CMTM2: variants seen among roughly 807,000 people sequenced by gnomAD.
CMTM2 encodes the protein CKLF like MARVEL transmembrane domain containing 2.
In CMTM2, 15 loss-of-function variants were observed where a neutral mutation model predicts 16.8. The observed-to-expected ratio is 0.89, with a 90% CI of 0.60 to 1.37. CMTM2 has a LOEUF of 1.37. Ranked by LOEUF, CMTM2 falls within the 40% of genes most tolerant of loss-of-function variation. The pLI, the probability that CMTM2 is intolerant of heterozygous loss-of-function variation, is 0.00. For synonymous variants in CMTM2, 117 were observed against 118.7 expected, an observed-to-expected ratio of 0.99 and a Z score of 0.09; for missense variants, 282 against 318.0, an observed-to-expected ratio of 0.89 and a Z score of 0.86.
At chr16:66,580,215 T>C in intron 2 of CMTM2, 31 bp downstream of exon 2, 1 of 1,611,972 alleles carries the variant, frequency 6.2e-7, no homozygotes, top group Non-Finnish European at 8.5e-7. Context: ...AGTGCCTGCA[T>C]CCAGAATGCT....
intron 2 of CMTM2, among the ~76,000 whole-genome samples, chr16:66,585,818 A>T (rs1487363956): frequency 6.6e-6 from 1 of 152,206 alleles, no homozygotes; most frequent in Non-Finnish European, 1.5e-5. Context: ...ATGTATCAAA[A>T]TTCAAAACAT....
At chr16:66,584,445 G>C (rs960116055) in intron 2 of CMTM2, among the ~76,000 whole-genome samples, 1 of 152,158 alleles carries the variant, frequency 6.6e-6, no homozygotes, top group African/African-American at 2.4e-5. Flanking sequence ...ATGTGAAAAC[G>C]TAGTGAGAAG....
intron 2 of CMTM2, among the ~76,000 whole-genome samples, chr16:66,585,475 A>G (rs1345086163): frequency 6.6e-6 from 1 of 152,266 alleles, no homozygotes; most frequent in Non-Finnish European, 1.5e-5. Flanking sequence ...ATTGAAAGGT[A>G]GGATACTTTT....
rs187941944 is a variant in CMTM2, at chr16:66,582,798, C to T, written c.444+2614C>T. Among the ~76,000 whole-genome samples the T allele has an allele frequency of 3.9e-3, 594 of 152,206 alleles. 3 individuals carry two copies. Among genetic ancestry groups the T allele is most frequent in the Non-Finnish European group, 5.6e-3 (378 of 68,006 alleles). ...CTGAGGCAGGAGAATGGCATGAACC[C>T]GGGAGGCAGAGCTTGCAGTGAGCCG... On this transcript the variant is annotated intron_variant, in intron 2 of 3. Coordinates refer to ENST00000268595, the MANE Select transcript of CMTM2 (RefSeq NM_144673.3).
At chr16:66,585,878 G>A (rs2014786827) in intron 2 of CMTM2, among the ~76,000 whole-genome samples, 1 of 152,318 alleles carries the variant, frequency 6.6e-6, no homozygotes, top group Middle Eastern at 3.4e-3. Context: ...ACAACAGCAG[G>A]AAATGGCACT....
intron 2 of CMTM2, 147 bp downstream of exon 2, chr16:66,580,331 C>T: frequency 2.4e-6 from 2 of 833,436 alleles, no homozygotes; most frequent in South Asian, 1.7e-5. Flanking sequence ...GGGGCCCAGG[C>T]AGAGGCAGCT....
At chr16:66,585,902 G>C (rs1286406497) in intron 2 of CMTM2, among the ~76,000 whole-genome samples, 1 of 152,194 alleles carries the variant, frequency 6.6e-6, no homozygotes, top group East Asian at 1.9e-4. Context: ...GAAACCAAGG[G>C]GGATGGCAGG....
intron 3 of CMTM2, 85 bp downstream of exon 3, chr16:66,587,183 GCTT>G (rs146529324): frequency 0.055 from 61,608 of 1,116,654 alleles, 2,152 homozygotes; most frequent in African/African-American, 0.12. Context: ...TAAGGAAAGG[GCTT>G]CTTTATTTTC....
At position 66,588,147 on chromosome 16, in the gene CMTM2, C is replaced by T. The variant is rs746006987; in HGVS notation, c.*28C>T. On this transcript the variant is annotated 3_prime_UTR_variant, in exon 4 of 4. Coordinates refer to ENST00000268595, the MANE Select transcript of CMTM2 (RefSeq NM_144673.3). ...TGGAGGAGGCTCCTGGTGTCTGAAA[C>T]GGCAGTGTATTTTACAGCAATATGT... The T allele has an allele frequency of 1.9e-5, 31 of 1,599,760 alleles. No individual in the cohort carries two copies. Among genetic ancestry groups the T allele is most frequent in the Admixed American group, 6.7e-5 (4 of 59,662 alleles).
intron 2 of CMTM2, among the ~76,000 whole-genome samples, chr16:66,582,031 A>G (rs1399480828): frequency 6.6e-6 from 1 of 152,144 alleles, no homozygotes; most frequent in African/African-American, 2.4e-5. Flanking sequence ...AAAACTACTA[A>G]ACACCTGATT....
intron 2 of CMTM2, among the ~76,000 whole-genome samples, chr16:66,582,098 A>G (rs2014742065): frequency 6.6e-6 from 1 of 152,344 alleles, no homozygotes; most frequent in East Asian, 1.9e-4. Context: ...TAGAATCCTG[A>G]GAATATGAGA....
At chr16:66,585,673 T>C (rs1022152574) in intron 2 of CMTM2, among the ~76,000 whole-genome samples, 4 of 152,064 alleles carry the variant, frequency 2.6e-5, no homozygotes, top group African/African-American at 7.2e-5. Flanking sequence ...ATCCGTGAAG[T>C]TGGACTTCTT....
Position 66,588,244 on chromosome 16 carries a change from A to G in CMTM2, c.*125A>G. ...TTTTCATTACCACCTTTGCTTGGAA[A>G]AGAATGGATTAATGGATTCTAAAAG... On this transcript the variant is annotated 3_prime_UTR_variant, in exon 4 of 4. Transcript: ENST00000268595. 1.1e-6 allele frequency: 1 copy of G among 876,202 alleles called. No homozygotes were observed. 54.3% of individuals were successfully genotyped at this position (876,202 alleles called of 1,614,324 possible).
In CMTM2 at chr16:66,580,062, C is replaced by A. The variant is rs371708621; in HGVS notation, c.322C>A (p.Leu108Ile). Reference protein sequence around the residue: ...LIAAMILLSSLTVHPILRLII... With the variant: ...LIAAMILLSSITVHPILRLII... ...AGCTGCAATGATACTGTTGTCCTCA[C>A]TCACCGTGCACCCCATCTTGAGGCT... Residue 108 changes from leucine to isoleucine, a missense_variant, in exon 2 of 4, where the codon CTC (leucine) becomes ATC (isoleucine). Leu to Ile is a conservative substitution (Grantham distance 5). Coordinates refer to ENST00000268595, the MANE Select transcript of CMTM2 (RefSeq NM_144673.3). 11 of 1,614,088 alleles carry A rather than the reference C, an allele frequency of 6.8e-6. No homozygotes were observed. Among genetic ancestry groups the A allele is most frequent in the African/African-American group, 4.0e-5 (3 of 74,934 alleles).
chr16:66,580,127 C>A lies in CMTM2; in HGVS notation c.387C>A (p.Ile129=). The A allele has an allele frequency of 1.9e-6, 3 of 1,614,212 alleles. No individual in the cohort carries two copies. Among genetic ancestry groups the A allele is most frequent in the Non-Finnish European group, 2.5e-6 (3 of 1,180,022 alleles). Reference sequence around the variant, plus strand: ...AGATATCCTTCTTCAGCTTCTTCATCTTACTGTACAGCTTTGCCATTCATA... The same window carrying A: ...AGATATCCTTCTTCAGCTTCTTCATATTACTGTACAGCTTTGCCATTCATA... ...TMEISFFSFF[I]LLYSFAIHRY... The change falls in exon 2 of 4, where the codon ATC becomes ATA. Residue 129 remains isoleucine (I), a synonymous_variant. Transcript: ENST00000268595.
intron 2 of CMTM2, 89 bp from the exon 3 acceptor site, chr16:66,586,908 C>A: frequency 1.1e-6 from 1 of 890,852 alleles, no homozygotes; most frequent in Non-Finnish European, 1.9e-6. Flanking sequence ...ATTTGCAAAT[C>A]ATTCCTTTGG....
At chr16:66,582,223 A>G (rs913071843) in intron 2 of CMTM2, among the ~76,000 whole-genome samples, 12 of 152,246 alleles carry the variant, frequency 7.9e-5, no homozygotes, top group African/African-American at 2.9e-4. Context: ...TAAAAAGTAC[A>G]GTGTCTAGAA....
intron 2 of CMTM2, among the ~76,000 whole-genome samples, chr16:66,585,751 GC>G (rs916824165): frequency 1.6e-4 from 25 of 152,234 alleles, no homozygotes; most frequent in African/African-American, 5.8e-4. Flanking sequence ...GTGGCTCCTG[GC>G]CTGGTGGAGG....
chr16:66,586,934 G>T (rs1220960668), intron 2 of CMTM2, 63 bp from the exon 3 acceptor site: 9 of 1,100,962 alleles, frequency 8.2e-6, no homozygotes, highest in Non-Finnish European at 1.3e-5. Flanking sequence ...GCTAGCCAGG[G>T]TGCAGTGTTT....
Sources: allele counts gnomAD v4.1 joint callset (sites outside exome capture counted in the v4.1 genomes callset), GRCh38; gene constraint gnomAD v4.1.1; transcripts MANE v1.5; gene names NCBI Gene and HGNC (gene_info 2026-07-23, HGNC 2026-07-21).